C2CD3: variants seen among roughly 807,000 people sequenced by gnomAD.
C2CD3 encodes the protein C2 domain containing 3 centriole elongation regulator.
Under a neutral mutation model 234.0 loss-of-function variants are expected in C2CD3, and 148 were observed. The observed-to-expected ratio is 0.63, with a 90% confidence interval of 0.55 to 0.72. The LOEUF is 0.72. Among genes scored for constraint, C2CD3 ranks in the 30% least tolerant of loss-of-function variants. The pLI, the probability that C2CD3 is intolerant of heterozygous loss-of-function variation, is 0.00. For synonymous variants in C2CD3, 1,000 were observed against 1,035.4 expected (o/e 0.97, Z 0.66); for missense variants, 2,577 against 2,811.5 (o/e 0.92, Z 1.89).
intron 28 of C2CD3, among the ~76,000 whole-genome samples, chr11:74,044,299 T>C (rs919599601): frequency 1.3e-5 from 2 of 151,976 alleles, no homozygotes; most frequent in Non-Finnish European, 2.9e-5. Flanking sequence ...CTACTAAAAA[T>C]ACAAAAATTA....
At chr11:74,077,823 A>AGTCTCT (rs1955133504) in intron 23 of C2CD3, among the ~76,000 whole-genome samples, 1 of 21,410 alleles carries the variant, frequency 4.7e-5, no homozygotes, top group African/African-American at 3.7e-4. Context: ...ATATATATAT[A>AGTCTCT]TATATATATA....
chr11:74,089,924 G>A (rs1342002221), intron 20 of C2CD3, among the ~76,000 whole-genome samples: 5 of 152,222 alleles, frequency 3.3e-5, no homozygotes, highest in Non-Finnish European at 7.3e-5. Flanking sequence ...TTGTTAAGTA[G>A]ACAAAAGGAA....
intron 7 of C2CD3, among the ~76,000 whole-genome samples, chr11:74,123,737 CTTTT>C (rs5792646): frequency 1.7e-5 from 2 of 119,480 alleles, no homozygotes; most frequent in Non-Finnish European, 3.4e-5. Flanking sequence ...ACGCTGGTAT[CTTTT>C]TTTTTTTTTT....
intron 7 of C2CD3, among the ~76,000 whole-genome samples, chr11:74,124,516 G>A (rs1229678273): frequency 6.6e-6 from 1 of 152,046 alleles, no homozygotes; most frequent in Non-Finnish European, 1.5e-5. Context: ...TCCCAGTTGT[G>A]ACAACCGAGA....
chr11:74,060,423 G>T (rs1954178871), intron 24 of C2CD3, among the ~76,000 whole-genome samples: 1 of 152,190 alleles, frequency 6.6e-6, no homozygotes. Context: ...CGAAGCTTCT[G>T]GAGGAAGGAT....
chr11:74,074,287 G>A lies in C2CD3; in HGVS notation c.4917C>T (p.Ile1639=), dbSNP rs1954929448. Residue 1639 remains isoleucine, a synonymous_variant, in exon 24 of 33, where the codon ATC becomes ATT. Coordinates refer to ENST00000334126, the MANE Select transcript of C2CD3 (RefSeq NM_001286577.2). ...TCAAGTGCATTGCTCTTTCTACTAG[G>A]ATGCTGACTGCAAACGTTCCATCCA... ...ADLDGTFAVS[I]LVERAMHLSL... is the part of the protein sequence containing the mutation. 1 of 1,614,140 alleles carries A rather than the reference G, an allele frequency of 6.2e-7. No individual in the cohort carries two copies. The highest frequency in any genetic ancestry group is 1.7e-5 in the Admixed American group (1 of 60,018).
chr11:74,143,155 C>T (rs1022958355), intron 3 of C2CD3, among the ~76,000 whole-genome samples: 12 of 152,012 alleles, frequency 7.9e-5, no homozygotes, highest in African/African-American at 2.7e-4. Flanking sequence ...TTCTCACATC[C>T]GTAAGAGAAC....
At chr11:74,016,631 T>G (rs1951889744) in intron 32 of C2CD3, 1 of 152,296 alleles carries the variant, frequency 6.6e-6, no homozygotes, top group South Asian at 2.1e-4. Flanking sequence ...TTGACCTCAA[T>G]AGGGTTTAGA....
At chr11:74,041,264 T>C (rs902360213) in intron 29 of C2CD3, among the ~76,000 whole-genome samples, 4 of 152,176 alleles carry the variant, frequency 2.6e-5, no homozygotes, top group Admixed American at 1.3e-4. Context: ...TCTTAAAAAA[T>C]TCACCCTGCT....
At chr11:74,107,322 T>TCTCACACACACACACA (rs948551188) in intron 12 of C2CD3, among the ~76,000 whole-genome samples, 2,465 of 146,586 alleles carry the variant, frequency 0.017, 38 homozygotes, top group African/African-American at 0.031. Flanking sequence ...TGAAACTGTG[T>TCTCACACACACACACA]CACACACACA....
At chr11:74,094,038 T>C (rs560287691) in intron 17 of C2CD3, 39 bp from the exon 18 acceptor site, 10 of 1,511,604 alleles carry the variant, frequency 6.6e-6, no homozygotes, top group African/African-American at 2.8e-5. Context: ...ATCCAACATA[T>C]GACTTAGTGT....
chr11:74,022,452 CG>C (rs1952129255), intron 32 of C2CD3, among the ~76,000 whole-genome samples: 1 of 152,056 alleles, frequency 6.6e-6, no homozygotes, highest in African/African-American at 2.4e-5. Context: ...TGGGTCCGTA[CG>C]TGTCTGCGGC....
intron 3 of C2CD3, among the ~76,000 whole-genome samples, chr11:74,157,947 G>A (rs913480049): frequency 6.6e-6 from 1 of 152,162 alleles, no homozygotes; most frequent in Non-Finnish European, 1.5e-5. Flanking sequence ...AACATAAGTT[G>A]ATATCTTCAA....
In C2CD3 at chr11:74,065,552, C is replaced by A. The variant is rs183347316; in HGVS notation, c.4952-8008G>T. 2.6e-3 allele frequency among the ~76,000 whole-genome samples: 398 copies of A among 152,260 alleles called. 1 individual carries two copies. Among genetic ancestry groups the A allele is most frequent in the African/African-American group, 9.2e-3 (384 of 41,540 alleles). ...TAGAAATACCATTTGACCCAGCCATCCTATTACTGGGTATATACCCAAAGA... is the reference window on the plus strand; with the variant it reads ...TAGAAATACCATTTGACCCAGCCATACTATTACTGGGTATATACCCAAAGA... On this transcript the variant is annotated intron_variant, in intron 24 of 32. Transcript: ENST00000334126.
At chr11:74,077,652 T>G (rs1469122442) in intron 23 of C2CD3, among the ~76,000 whole-genome samples, 1 of 150,180 alleles carries the variant, frequency 6.7e-6, no homozygotes, top group African/African-American at 2.4e-5. Context: ...AGAGGTGGGA[T>G]AGCATTAGGA....
intron 28 of C2CD3, among the ~76,000 whole-genome samples, chr11:74,042,890 G>A (rs1021964969): frequency 1.3e-4 from 20 of 152,298 alleles, no homozygotes; most frequent in African/African-American, 4.6e-4. Flanking sequence ...ATTACGCCAT[G>A]TGATTATCAC....
At chr11:74,157,167 A>G (rs1856089898) in intron 3 of C2CD3, among the ~76,000 whole-genome samples, 1 of 152,250 alleles carries the variant, frequency 6.6e-6, no homozygotes, top group South Asian at 2.1e-4. Context: ...GATATAAAAG[A>G]TTCCACAAAT....
chr11:74,023,618 C>T (rs1055230878), intron 32 of C2CD3, among the ~76,000 whole-genome samples: 4 of 152,170 alleles, frequency 2.6e-5, no homozygotes, highest in African/African-American at 7.2e-5. Flanking sequence ...AGGCCAATAC[C>T]TCCATGTGTG....
At chr11:74,081,644 TCAC>T (rs1342342637) in intron 22 of C2CD3, among the ~76,000 whole-genome samples, 5 of 152,124 alleles carry the variant, frequency 3.3e-5, no homozygotes, top group African/African-American at 9.7e-5. Flanking sequence ...ATCATCATCA[TCAC>T]CACCATCTTT....
Sources: gnomAD v4.1 joint callset for allele counts (sites outside exome capture counted in the v4.1 genomes callset) on GRCh38, gnomAD v4.1.1 for gene constraint, MANE v1.5 for transcripts, NCBI Gene and HGNC (gene_info 2026-07-23, HGNC 2026-07-21) for gene names.